The following MAP3K2 variants were observed in gnomAD, a reference collection of about 807,000 sequenced individuals.
The protein encoded by MAP3K2 is MAP/ERK kinase kinase 2.
Under a neutral mutation model 80.3 loss-of-function variants are expected in MAP3K2, and 24 were observed. The ratio of observed to expected loss-of-function variants is 0.30; its 90% CI spans 0.22 to 0.42. The LOEUF (loss-of-function observed/expected upper bound fraction) is 0.42. Among genes scored for constraint, MAP3K2 ranks in the 10% least tolerant of loss-of-function variants. MAP3K2 has a pLI of 1.00. For synonymous variants in MAP3K2, 244 were observed against 253.7 expected (o/e 0.96, Z 0.36); for missense variants, 608 against 750.1 (o/e 0.81, Z 2.21).
rs565755645 is a variant in MAP3K2, at chr2:127,321,180, A to C, written c.1045+866T>G. Among the ~76,000 whole-genome samples the C allele has an allele frequency of 9.8e-5, 15 of 152,334 alleles. No individual in the cohort carries two copies. In the Middle Eastern group the frequency reaches 0.01, roughly 104 times the overall value. On this transcript the variant is annotated intron_variant, in intron 12 of 16. Coordinates refer to ENST00000682094, the MANE Select transcript of MAP3K2 (RefSeq NM_001371910.2). The surrounding 1 kb of genome is among the most constrained non-coding windows in gnomAD (Gnocchi z 4.4). ...GAATGAACTCAGTACCAGCATGCCT[A>C]TATTACAAGAAAGGTTAAAATGCAG...
chr2:127,331,488 G>A (rs539197323), intron 5 of MAP3K2, among the ~76,000 whole-genome samples: 18 of 152,192 alleles, frequency 1.2e-4, no homozygotes, highest in Non-Finnish European at 2.4e-4. Flanking sequence ...GCAAAGAGCA[G>A]ACAACCTGGT....
rs572542279 is a variant in MAP3K2 at position 127,311,067 on chromosome 2, C to G, written c.1457-2305G>C. On this transcript the variant is annotated intron_variant, in intron 15 of 16. Transcript: ENST00000682094. ...GACTGGAGAGGATAAAGAGACCCCA[C>G]CCCTATCACGGGGCTTCTGTACCTG... Among the ~76,000 whole-genome samples, 51 of 152,260 alleles carry G rather than the reference C, an allele frequency of 3.3e-4. No individual in the cohort carries two copies. In the East Asian group the frequency reaches 9.5e-3, roughly 28 times the overall value.
intron 9 of MAP3K2, 50 bp from the exon 10 acceptor site, chr2:127,324,291 T>C (rs750669268): frequency 8.9e-7 from 1 of 1,119,012 alleles, no homozygotes; most frequent in Non-Finnish European, 1.3e-6. Flanking sequence ...CGTAAGACAT[T>C]AAAAAGAAAA....
rs554436429 is a variant in MAP3K2 at position 127,323,158 on chromosome 2, T to C, written c.838+744A>G. On this transcript the variant is annotated intron_variant, in intron 11 of 16. Coordinates refer to ENST00000682094, the MANE Select transcript of MAP3K2 (RefSeq NM_001371910.2). ...GGCTCACGCCTGTAATCCTAGCACT[T>C]TGGGAGGCCAAGGCAAGTGGATCAC... Among the ~76,000 whole-genome samples, 11 of 150,304 alleles carry C rather than the reference T, an allele frequency of 7.3e-5. No homozygotes were observed. In the East Asian group the frequency reaches 2.0e-3, roughly 28 times the overall value.
intron 1 of MAP3K2, among the ~76,000 whole-genome samples, chr2:127,384,681 T>TTTA (rs1052273985): frequency 5.3e-5 from 8 of 151,788 alleles, no homozygotes; most frequent in African/African-American, 1.9e-4. Flanking sequence ...TTTTTTTTTT[T>TTTA]AAGACAGGGT....
At chr2:127,313,093 C>G (rs73956517) in intron 15 of MAP3K2, among the ~76,000 whole-genome samples, 3,946 of 152,210 alleles carry the variant, frequency 0.026, 66 homozygotes, top group African/African-American at 0.031. Flanking sequence ...ATTGCACATC[C>G]AATTTTATAT....
Position 127,300,106 on chromosome 2 carries a change from A to C in MAP3K2, c.*7473T>G, listed in dbSNP as rs533751572. 10 of 152,268 alleles carry C rather than the reference A, an allele frequency of 6.6e-5. No individual in the cohort carries two copies. In the East Asian group the frequency reaches 1.9e-3, roughly 29 times the overall value. The allele number at this position is 152,268 out of a possible 1,614,324, so 9.4% of individuals were successfully genotyped here. A position where few individuals can be genotyped will look rare whatever the true frequency, so the allele number is the denominator to read the frequency against. ...AGAACCATAGATAAGTATAGTTTGTAAAAGCAAAAAGGTCCATTTAAGTCA... is the reference window on the plus strand; with the variant it reads ...AGAACCATAGATAAGTATAGTTTGTCAAAGCAAAAAGGTCCATTTAAGTCA... On this transcript the variant is annotated 3_prime_UTR_variant, in exon 17 of 17. Coordinates refer to ENST00000682094, the MANE Select transcript of MAP3K2 (RefSeq NM_001371910.2).
upstream of MAP3K2, chr2:127,388,453 G>A (rs1318676396): frequency 5.1e-6 from 5 of 975,948 alleles, no homozygotes; most frequent in Non-Finnish European, 6.1e-6. Context: ...TTTTTCCTGA[G>A]GGACTTTAGA....
At chr2:127,351,867 GT>G (rs1186343967) in intron 1 of MAP3K2, among the ~76,000 whole-genome samples, 1 of 151,248 alleles carries the variant, frequency 6.6e-6, no homozygotes, top group Non-Finnish European at 1.5e-5. Flanking sequence ...CCTACTTCTT[GT>G]TTTTTTGTGT....
At chr2:127,337,854 C>T in intron 3 of MAP3K2, 76 bp from the exon 4 acceptor site, 1 of 895,824 alleles carries the variant, frequency 1.1e-6, no homozygotes, top group Non-Finnish European at 1.7e-6. Context: ...TCTACAATTT[C>T]TAAATGATTT....
chr2:127,325,250 T>C (rs1686108900), intron 9 of MAP3K2, among the ~76,000 whole-genome samples: 1 of 152,232 alleles, frequency 6.6e-6, no homozygotes, highest in African/African-American at 2.4e-5. Flanking sequence ...AAGGGATTTA[T>C]CCACACTGTG....
Position 127,326,837 on chromosome 2 carries a change from GTAATTTATAATTA to G in MAP3K2, c.467-33_467-21del. ...TAGGACCTCAAGGAAGAAAAATAAT[GTAATTTATAATTA>G]TAGGCAAGGGAATCAAGTTTTGTTT... On this transcript the variant is annotated intron_variant, in intron 7 of 16. Coordinates refer to ENST00000682094, the MANE Select transcript of MAP3K2 (RefSeq NM_001371910.2). 6.7e-7 allele frequency: 1 copy of G among 1,498,104 alleles called. No individual in the cohort carries two copies. 92.8% of individuals were successfully genotyped at this position (1,498,104 alleles called of 1,614,324 possible).
In MAP3K2 at chr2:127,383,649, G is replaced by A. The variant is rs1687290222; in HGVS notation, c.-66+3803C>T. 1.3e-5 allele frequency among the ~76,000 whole-genome samples: 2 copies of A among 152,094 alleles called. 1 individual carries two copies. The highest frequency in any genetic ancestry group is 4.1e-4 in the South Asian group (2 of 4,834). On this transcript the variant is annotated intron_variant, in intron 1 of 16. Transcript: ENST00000682094. The stretch of plus-strand genomic sequence containing the variant: ...TAGGGTATTTTGACTTTTCCAACTT[G>A]GATGCATTTCCTAATTTAAGAAATA...
chr2:127,354,428 A>C (rs904327338), intron 1 of MAP3K2, among the ~76,000 whole-genome samples: 1 of 152,036 alleles, frequency 6.6e-6, no homozygotes, highest in African/African-American at 2.4e-5. Context: ...TCTGGCAATG[A>C]CACCCTGATT....
intron 1 of MAP3K2, among the ~76,000 whole-genome samples, chr2:127,382,014 A>G (rs1410166215): frequency 6.6e-6 from 1 of 152,190 alleles, no homozygotes; most frequent in African/African-American, 2.4e-5. Flanking sequence ...TCATTTTTAA[A>G]GGGTGTAAGA....
intron 1 of MAP3K2, among the ~76,000 whole-genome samples, chr2:127,348,004 T>A (rs117501773): frequency 6.6e-6 from 1 of 152,236 alleles, no homozygotes; most frequent in East Asian, 1.9e-4. Flanking sequence ...CACAAAACCC[T>A]GTAAATTCAA....
rs1431110038 is a variant in MAP3K2, at chr2:127,367,032, G to A, written c.-66+20420C>T. Among the ~76,000 whole-genome samples the A allele has an allele frequency of 4.6e-5, 7 of 151,714 alleles. No individual in the cohort carries two copies. The East Asian group carries it at 9.6e-4, about 21-fold the overall frequency. On this transcript the variant is annotated intron_variant, in intron 1 of 16. Coordinates refer to ENST00000682094, the MANE Select transcript of MAP3K2 (RefSeq NM_001371910.2). ...ATTACAGGCATGCACCACCACACTC[G>A]GCTAATTTTTGTATTTTTATTAATA...
At chr2:127,360,686 A>AT (rs1414237465) in intron 1 of MAP3K2, among the ~76,000 whole-genome samples, 1 of 152,180 alleles carries the variant, frequency 6.6e-6, no homozygotes, top group African/African-American at 2.4e-5. Flanking sequence ...CACACCACAA[A>AT]TCTCATTACT....
chr2:127,324,461 G>A (rs1434822723), intron 9 of MAP3K2, among the ~76,000 whole-genome samples: 2 of 152,188 alleles, frequency 1.3e-5, no homozygotes, highest in Non-Finnish European at 1.5e-5. Context: ...TACAGTGGAA[G>A]AATGACGTAT....
Sources: gnomAD v4.1 joint callset for allele counts (sites outside exome capture counted in the v4.1 genomes callset) on GRCh38, gnomAD v4.1.1 for gene constraint, Gnocchi (gnomAD v3.1) non-coding constraint, MANE v1.5 for transcripts, NCBI Gene and HGNC (gene_info 2026-07-23, HGNC 2026-07-21) for gene names.